Variants in ASB3 observed in about 807,000 individuals in gnomAD.
ASB3 encodes ankyrin repeat and SOCS box protein 3.
Under a neutral mutation model 54.5 loss-of-function variants are expected in ASB3, and 41 were observed. The observed-to-expected ratio is 0.75, with a 90% confidence interval of 0.59 to 0.98. ASB3 has a LOEUF of 0.98. Ranked by LOEUF, ASB3 falls within the 50% of genes least tolerant of loss-of-function variation. ASB3 has a pLI of 0.00. For missense variants in ASB3, 733 were observed against 620.0 expected (o/e 1.18, Z -1.94); for synonymous variants, 266 against 221.2 (o/e 1.20, Z -1.80).
intron 7 of ASB3, among the ~76,000 whole-genome samples, chr2:53,709,638 G>A (rs965256938): frequency 1.3e-5 from 2 of 152,166 alleles, no homozygotes; most frequent in Admixed American, 6.5e-5. Flanking sequence ...ATGGGTCTAT[G>A]GGAGTTCACT....
chr2:53,785,499 T>C (rs542807879), intron 1 of ASB3, among the ~76,000 whole-genome samples: 1 of 152,248 alleles, frequency 6.6e-6, no homozygotes, highest in East Asian at 1.9e-4. Context: ...ACAATCTCCC[T>C]GCCTAGACTG....
chr2:53,724,539 C>T (rs1412125808), intron 5 of ASB3, among the ~76,000 whole-genome samples: 1 of 151,032 alleles, frequency 6.6e-6, no homozygotes, highest in Non-Finnish European at 1.5e-5. Context: ...GCAGAGGTTG[C>T]AGTGAGCAGA....
At chr2:53,764,979 A>G (rs917377702) in intron 2 of ASB3, among the ~76,000 whole-genome samples, 15 of 152,254 alleles carry the variant, frequency 9.9e-5, no homozygotes, top group African/African-American at 3.4e-4. Flanking sequence ...AAAGTATTAA[A>G]AAGTGTTTAA....
chr2:53,764,050 CA>C (rs1253772532), intron 2 of ASB3, among the ~76,000 whole-genome samples: 1 of 151,680 alleles, frequency 6.6e-6, no homozygotes, highest in African/African-American at 2.4e-5. Context: ...ACAACAACAA[CA>C]AAAAAAACAC....
intron 1 of ASB3, among the ~76,000 whole-genome samples, chr2:53,777,009 C>G (rs908311279): frequency 6.6e-6 from 1 of 152,010 alleles, no homozygotes; most frequent in Admixed American, 6.6e-5. Context: ...ACTTTTCATT[C>G]CTATGGTTCA....
chr2:53,683,156 T>C (rs1157626560), intron 9 of ASB3, among the ~76,000 whole-genome samples: 1 of 152,210 alleles, frequency 6.6e-6, no homozygotes, highest in Non-Finnish European at 1.5e-5. Flanking sequence ...ACCCGGTTTT[T>C]TGAGGGTTTT....
At chr2:53,711,917 G>C (rs1670120536) in intron 7 of ASB3, among the ~76,000 whole-genome samples, 1 of 152,020 alleles carries the variant, frequency 6.6e-6, no homozygotes, top group Non-Finnish European at 1.5e-5. Flanking sequence ...ACAGTTTTTT[G>C]TAGTCATTAG....
chr2:53,729,658 C>T lies in ASB3; in HGVS notation c.356-88G>A, dbSNP rs537288593. On this transcript the variant is annotated intron_variant, in intron 3 of 9. Transcript: ENST00000263634. ...TTTGGTGATGTTCTCATCACTTACT[C>T]ACCTCAGAACCACAATGCTCTGATT... The T allele has an allele frequency of 1.7e-5, 18 of 1,061,304 alleles. No homozygotes were observed. The African/African-American group carries it at 2.5e-4, about 15-fold the overall frequency. 65.7% of individuals were successfully genotyped at this position (1,061,304 alleles called of 1,614,324 possible).
At chr2:53,710,391 A>AT (rs1670028336) in intron 7 of ASB3, among the ~76,000 whole-genome samples, 1 of 151,484 alleles carries the variant, frequency 6.6e-6, no homozygotes, top group South Asian at 2.1e-4. Flanking sequence ...CTACCTTTTC[A>AT]TTTTTTCCAG....
At chr2:53,712,050 G>A (rs2103822869) in intron 7 of ASB3, among the ~76,000 whole-genome samples, 1 of 152,114 alleles carries the variant, frequency 6.6e-6, no homozygotes, top group East Asian at 1.9e-4. Context: ...AAACCAAACT[G>A]TGGAGTTCCT....
At chr2:53,774,369 T>C in intron 1 of ASB3, 1 of 1,613,554 alleles carries the variant, frequency 6.2e-7, no homozygotes, top group South Asian at 1.1e-5. Context: ...AAATTTTTAA[T>C]GCAGCTGGTC....
chr2:53,778,976 G>A (rs920019768), intron 1 of ASB3, among the ~76,000 whole-genome samples: 8 of 152,142 alleles, frequency 5.3e-5, no homozygotes, highest in African/African-American at 1.9e-4. Flanking sequence ...TTTCCATAAC[G>A]GTTGTACTAA....
intron 2 of ASB3, among the ~76,000 whole-genome samples, chr2:53,760,237 C>T (rs1351393135): frequency 6.6e-6 from 1 of 152,192 alleles, no homozygotes; most frequent in Admixed American, 6.5e-5. Flanking sequence ...GCTTACCTAA[C>T]TCTCCATGCC....
chr2:53,708,049 G>A (rs1669887583), intron 7 of ASB3, among the ~76,000 whole-genome samples: 2 of 152,070 alleles, frequency 1.3e-5, no homozygotes, highest in South Asian at 4.1e-4. Flanking sequence ...ATCTACTGAT[G>A]TGGTTTGGAT....
intron 1 of ASB3, chr2:53,774,444 A>G (rs760915645): frequency 5.0e-6 from 8 of 1,609,148 alleles, no homozygotes; most frequent in Middle Eastern, 3.3e-4. Context: ...TTGTGCCAGA[A>G]GAAGCAGATG....
intron 2 of ASB3, among the ~76,000 whole-genome samples, chr2:53,763,303 G>A (rs1426996398): frequency 6.6e-6 from 1 of 152,148 alleles, no homozygotes; most frequent in Non-Finnish European, 1.5e-5. Flanking sequence ...AGGTGGTGGT[G>A]AGCTGAGGTC....
intron 9 of ASB3, 142 bp downstream of exon 9, chr2:53,693,742 C>T (rs1669038597): frequency 1.7e-6 from 2 of 1,172,614 alleles, no homozygotes; most frequent in Middle Eastern, 2.5e-4. Flanking sequence ...CCTAACAACC[C>T]CATCTTTTCC....
chr2:53,786,070 C>A (rs1414934896), intron 1 of ASB3, among the ~76,000 whole-genome samples: 3 of 152,146 alleles, frequency 2.0e-5, no homozygotes, highest in African/African-American at 7.2e-5. Context: ...TTTAACAGAT[C>A]TAGCAAGACT....
At chr2:53,752,732 T>C (rs1052922549) in intron 2 of ASB3, among the ~76,000 whole-genome samples, 13 of 152,184 alleles carry the variant, frequency 8.5e-5, no homozygotes, top group Non-Finnish European at 1.8e-4. Flanking sequence ...GAAGCGTGCC[T>C]AGACTTACTA....
Sources: gnomAD v4.1 joint callset for allele counts (sites outside exome capture counted in the v4.1 genomes callset) on GRCh38, gnomAD v4.1.1 for gene constraint, MANE v1.5 for transcripts, NCBI Gene and HGNC (gene_info 2026-07-23, HGNC 2026-07-21) for gene names.